FABP6: variants seen among roughly 807,000 people sequenced by gnomAD.
The protein encoded by FABP6 is gastrotropin.
Under a neutral mutation model 14.9 loss-of-function variants are expected in FABP6, and 13 were observed. The observed-to-expected ratio is 0.87, with a 90% CI of 0.57 to 1.39. The LOEUF is 1.39. Among genes scored for constraint, FABP6 ranks in the 40% most tolerant of loss-of-function variants. FABP6 has a pLI of 0.00. For synonymous variants in FABP6, 75 were observed against 63.6 expected, an observed-to-expected ratio of 1.18 and a Z score of -0.85; for missense variants, 161 against 167.2, an observed-to-expected ratio of 0.96 and a Z score of 0.20.
chr5:160,229,118 G>A (rs919005725), upstream of FABP6, among the ~76,000 whole-genome samples: 1 of 152,214 alleles, frequency 6.6e-6, no homozygotes, highest in Non-Finnish European at 1.5e-5. Flanking sequence ...TTTGGGAAAG[G>A]TGTGTGTCTC....
At chr5:160,213,254 C>G (rs530789143) in intron 2 of FABP6, among the ~76,000 whole-genome samples, 80 of 152,328 alleles carry the variant, frequency 5.3e-4, no homozygotes, top group Non-Finnish European at 1.1e-3. Flanking sequence ...TACTCATGTC[C>G]CGTTTGTCCC....
chr5:160,223,188 G>T, intron 3 of FABP6, among the ~76,000 whole-genome samples: 1 of 151,800 alleles, frequency 6.6e-6, no homozygotes. Flanking sequence ...TTTGTCTCTG[G>T]GCCACATTTT....
intron 3 of FABP6, among the ~76,000 whole-genome samples, chr5:160,218,839 G>T (rs1760072928): frequency 1.3e-5 from 2 of 150,612 alleles, no homozygotes; most frequent in Admixed American, 1.3e-4. Context: ...GCTCACTGTA[G>T]CCTCAAACTC....
chr5:160,229,547 C>A lies in FABP6; in HGVS notation c.-11C>A, dbSNP rs1479250982. 6.2e-7 allele frequency: 1 copy of A among 1,614,004 alleles called. No homozygotes were observed. Among genetic ancestry groups the A allele is most frequent in the East Asian group, 2.2e-5 (1 of 44,874 alleles). ...ATCCCTCTGCTCTCTGGCCTCCAGC[C>A]TCCCAGCAGCATGGCTTTCACCGGC... On this transcript the variant is annotated 5_prime_UTR_variant, in exon 1 of 4. Transcript: ENST00000402432.
rs1580926747 is a variant in FABP6, at chr5:160,236,188, G to T, written c.333+1279G>T. On this transcript the variant is annotated intron_variant, in intron 3 of 3. Transcript: ENST00000402432. ...CCACCATCACATCTGGCTAATTTTT[G>T]TATTTTTAGTAGAGACAGGGTTTCA... is the stretch of plus-strand genomic sequence containing the variant. Among the ~76,000 whole-genome samples, 3 of 151,846 alleles carry T rather than the reference G, an allele frequency of 2.0e-5. No homozygotes were observed. The East Asian group carries it at 5.8e-4, about 29-fold the overall frequency.
At chr5:160,202,730 G>A (rs922704618) in intron 2 of FABP6, among the ~76,000 whole-genome samples, 22 of 145,658 alleles carry the variant, frequency 1.5e-4, no homozygotes, top group Non-Finnish European at 2.9e-4. Context: ...CATGAACCTG[G>A]GAGGTAGAGC....
Position 160,214,417 on chromosome 5 carries a change from A to T in FABP6, c.135+598A>T, listed in dbSNP as rs927496916. ...TGGCCTCAAGCAGTCCTCTCACCTC[A>T]GCCTCCCAAAGTGCTGGGATTACAG... On this transcript the variant is annotated intron_variant, in intron 3 of 6. Coordinates refer to the FABP6 transcript ENST00000393980. 6.4e-4 allele frequency among the ~76,000 whole-genome samples: 97 copies of T among 151,800 alleles called. 5 individuals are homozygous for T. Among genetic ancestry groups the T allele is most frequent in the Non-Finnish European group, 1.3e-4 (9 of 67,974 alleles).
chr5:160,236,085 G>T (rs1374711472), intron 3 of FABP6, among the ~76,000 whole-genome samples: 1 of 145,460 alleles, frequency 6.9e-6, no homozygotes, highest in Non-Finnish European at 1.5e-5. Context: ...GCATGATCTT[G>T]GCTCACTGCA....
intron 1 of FABP6, among the ~76,000 whole-genome samples, chr5:160,194,250 G>A (rs956735119): frequency 1.3e-5 from 2 of 152,210 alleles, no homozygotes; most frequent in Admixed American, 1.3e-4. Flanking sequence ...AGCGCCGCAC[G>A]CATCCGCACG....
intron 2 of FABP6, among the ~76,000 whole-genome samples, chr5:160,208,465 A>G (rs1183643431): frequency 6.6e-6 from 1 of 152,112 alleles, no homozygotes; most frequent in African/African-American, 2.4e-5. Flanking sequence ...AGTTGAATCT[A>G]CATTGCAATA....
At chr5:160,238,556 C>A in intron 3 of FABP6, 50 bp from the exon 4 acceptor site, 2 of 1,559,248 alleles carry the variant, frequency 1.3e-6, no homozygotes, top group Non-Finnish European at 1.8e-6. Context: ...TGCCTCCTGG[C>A]TACCTTGGGG....
At chr5:160,229,732 C>A in intron 1 of FABP6, 108 bp downstream of exon 1, 1 of 943,498 alleles carries the variant, frequency 1.1e-6, no homozygotes, top group South Asian at 1.6e-5. Context: ...TTCATTCACT[C>A]ACTCACTCAT....
At chr5:160,207,730 T>C (rs916217844) in intron 2 of FABP6, among the ~76,000 whole-genome samples, 1 of 151,722 alleles carries the variant, frequency 6.6e-6, no homozygotes, top group Non-Finnish European at 1.5e-5. Context: ...CTCCTTTTTT[T>C]TTTTTTTTTT....
intron 3 of FABP6, among the ~76,000 whole-genome samples, chr5:160,215,177 A>G (rs116933627): frequency 6.6e-6 from 1 of 152,356 alleles, no homozygotes; most frequent in East Asian, 1.9e-4. Flanking sequence ...ATGGCTGAGT[A>G]AGTTGTGATA....
chr5:160,197,813 G>A (rs1033657383), intron 1 of FABP6: 1 of 151,992 alleles, frequency 6.6e-6, no homozygotes, highest in Non-Finnish European at 1.5e-5. Context: ...GAATGGGGAA[G>A]GCAGGGAAGT....
chr5:160,191,618 A>T (rs532026364), intron 1 of FABP6, among the ~76,000 whole-genome samples: 57 of 152,036 alleles, frequency 3.7e-4, no homozygotes, highest in Non-Finnish European at 6.8e-4. Flanking sequence ...TATTAAAAAA[A>T]TTTTTTTAAT....
intron 2 of FABP6, among the ~76,000 whole-genome samples, chr5:160,204,404 G>T (rs961601743): frequency 6.6e-6 from 1 of 152,092 alleles, no homozygotes; most frequent in Non-Finnish European, 1.5e-5. Flanking sequence ...TCCACGAAGG[G>T]CACACAATGA....
intron 2 of FABP6, among the ~76,000 whole-genome samples, chr5:160,201,800 A>G (rs551627968): frequency 3.0e-4 from 45 of 152,034 alleles, no homozygotes; most frequent in Admixed American, 5.9e-4. Flanking sequence ...GTCTTACTCT[A>G]TCACTCAGGC....
chr5:160,189,269 T>C (rs1251835657), intron 1 of FABP6, among the ~76,000 whole-genome samples: 1 of 152,130 alleles, frequency 6.6e-6, no homozygotes, highest in Non-Finnish European at 1.5e-5. Context: ...AGACAAGAGT[T>C]TCACTCTTGT....
Sources: allele counts gnomAD v4.1 joint callset (sites outside exome capture counted in the v4.1 genomes callset), GRCh38; gene constraint gnomAD v4.1.1; transcripts MANE v1.5; gene names NCBI Gene and HGNC (gene_info 2026-07-23, HGNC 2026-07-21).